DNAJC13: variants seen among roughly 807,000 people sequenced by gnomAD.
DNAJC13 encodes DnaJ heat shock protein family (Hsp40) member C13.
In DNAJC13, 75 loss-of-function variants were observed where a neutral mutation model predicts 290.5. The ratio of observed to expected loss-of-function variants is 0.26; its 90% confidence interval spans 0.21 to 0.31. The LOEUF (loss-of-function observed/expected upper bound fraction) is 0.31, where lower values mean the gene tolerates loss of function less well. Among genes scored for constraint, DNAJC13 ranks in the 10% least tolerant of loss-of-function variants. The probability of loss-of-function intolerance (pLI) is 1.00; values close to 1 mark genes in which losing one functional copy is unlikely to be tolerated. For missense variants in DNAJC13, 2,260 were observed against 2,674.5 expected (o/e 0.85, Z 3.42); for synonymous variants, 862 against 892.0 (o/e 0.97, Z 0.60).
At position 132,453,342 on chromosome 3, in the gene DNAJC13, A is replaced by C. The variant is rs919983513; in HGVS notation, c.582A>C (p.Ala194=). ...AAAGAGAAGAGATTATTAAAAGTGC[A>C]ATAGACCATGCTGGTAACTACATAG... ...SEQREEIIKS[A]IDHAGNYIGI... Residue 194 remains alanine, a synonymous_variant, in exon 7 of 56, where the codon GCA becomes GCC. Coordinates refer to ENST00000260818, the MANE Select transcript of DNAJC13 (RefSeq NM_015268.4). The C allele has an allele frequency of 9.9e-6, 16 of 1,613,792 alleles. No individual in the cohort carries two copies. Among genetic ancestry groups the C allele is most frequent in the Non-Finnish European group, 1.4e-5 (16 of 1,179,916 alleles).
At chr3:132,512,488 G>A (rs189559681) in intron 44 of DNAJC13, among the ~76,000 whole-genome samples, 1 of 152,258 alleles carries the variant, frequency 6.6e-6, no homozygotes, top group East Asian at 1.9e-4. Flanking sequence ...AAATATATGG[G>A]ATTAGGATTT....
At chr3:132,418,693 G>A (rs1422343152) in intron 1 of DNAJC13, among the ~76,000 whole-genome samples, 1 of 152,186 alleles carries the variant, frequency 6.6e-6, no homozygotes, top group Non-Finnish European at 1.5e-5. Context: ...ATAGTGTACA[G>A]TTATGTTGAG....
rs534541531 is a variant in DNAJC13 at position 132,471,984 on chromosome 3, C to G, written c.2209-1161C>G. Reference sequence around the variant, plus strand: ...GAGCACTGAGTGAACGAGACTCCGTCTGCAATCCCGGCACCTCGGGAGGCT... The same window carrying G: ...GAGCACTGAGTGAACGAGACTCCGTGTGCAATCCCGGCACCTCGGGAGGCT... On this transcript the variant is annotated intron_variant, in intron 20 of 55. Transcript: ENST00000260818. Among the ~76,000 whole-genome samples, 396 of 148,702 alleles carry G rather than the reference C, an allele frequency of 2.7e-3. 8 individuals are homozygous for G. Among genetic ancestry groups the G allele is most frequent in the Non-Finnish European group, 8.8e-4 (59 of 66,978 alleles).
At chr3:132,532,612 G>C (rs1162511907) in intron 55 of DNAJC13, among the ~76,000 whole-genome samples, 1 of 151,832 alleles carries the variant, frequency 6.6e-6, no homozygotes, top group Non-Finnish European at 1.5e-5. Flanking sequence ...TGTTCTTATA[G>C]GCAGTATAAA....
intron 39 of DNAJC13, among the ~76,000 whole-genome samples, chr3:132,501,386 G>A (rs975620484): frequency 1.1e-4 from 17 of 152,068 alleles, no homozygotes; most frequent in African/African-American, 4.1e-4. Flanking sequence ...TGTAATCCTA[G>A]GTATTCGGGA....
chr3:132,498,470 C>A (rs1935304010), intron 36 of DNAJC13, among the ~76,000 whole-genome samples: 1 of 152,068 alleles, frequency 6.6e-6, no homozygotes, highest in African/African-American at 2.4e-5. Context: ...TGAAAAGTTA[C>A]AAAGATCAGC....
At position 132,447,935 on chromosome 3, in the gene DNAJC13, G is replaced by A. The variant is rs1353236048; in HGVS notation, c.332G>A (p.Gly111Glu). 5 of 1,556,008 alleles carry A rather than the reference G, an allele frequency of 3.2e-6. No individual in the cohort carries two copies. In the South Asian group the frequency reaches 3.4e-5, roughly 11 times the overall value. Residue 111 changes from glycine to glutamate, a missense_variant, in exon 5 of 56, where the codon GGA becomes GAA. This residue lies in a region of DNAJC13 where 762 missense variants were observed against 964.1 expected (regional missense o/e 0.79). Transcript: ENST00000260818. ...GATTTTTCAGAGGGAAAAATCACAG[G>A]AAGGGTAAATATTTAACATTTATTA... Reference protein sequence around the residue: ...RTDFSEGKITGRRYNCYKHHW... With the variant: ...RTDFSEGKITERRYNCYKHHW...
intron 3 of DNAJC13, 107 bp downstream of exon 3, chr3:132,446,657 G>A: frequency 1.5e-6 from 1 of 678,074 alleles, no homozygotes; most frequent in Non-Finnish European, 2.5e-6. Context: ...AGATAGAAAT[G>A]TCAAATCAGA....
At chr3:132,487,446 C>CG (rs1934914577) in intron 29 of DNAJC13, among the ~76,000 whole-genome samples, 1 of 151,040 alleles carries the variant, frequency 6.6e-6, no homozygotes, top group South Asian at 2.1e-4. Flanking sequence ...TTAGTAGAGA[C>CG]GGGGTTTCAC....
rs377285997 is a variant in DNAJC13 at position 132,464,940 on chromosome 3, A to G, written c.1893-1055A>G. Among the ~76,000 whole-genome samples the G allele has an allele frequency of 3.2e-4, 49 of 152,322 alleles. No individual in the cohort carries two copies. In the South Asian group the frequency reaches 7.2e-3, roughly 23 times the overall value. The stretch of plus-strand genomic sequence containing the variant: ...GAATTACACTGTTAAAGATCTGTCA[A>G]TGTATAATAGAAATATCACTCTATT... On this transcript the variant is annotated intron_variant, in intron 17 of 55. Transcript: ENST00000260818.
chr3:132,537,710 TTGTTA>T (rs1416477314), intron 55 of DNAJC13, among the ~76,000 whole-genome samples: 1 of 152,238 alleles, frequency 6.6e-6, no homozygotes, highest in African/African-American at 2.4e-5. Context: ...TTGGTGTTAC[TTGTTA>T]TAATAGCATT....
chr3:132,439,712 A>G (rs7626685), intron 2 of DNAJC13, among the ~76,000 whole-genome samples: 5,429 of 152,240 alleles, frequency 0.036, 257 homozygotes, highest in African/African-American at 0.11. Flanking sequence ...TTAAAATATT[A>G]CATTTCATGG....
chr3:132,510,993 A>G, intron 43 of DNAJC13, 74 bp from the exon 44 acceptor site: 1 of 1,513,306 alleles, frequency 6.6e-7, no homozygotes, highest in Non-Finnish European at 9.0e-7. Flanking sequence ...TTCATAGCTT[A>G]AAGTTCTTTC....
At chr3:132,499,968 A>C (rs1935359821) in intron 38 of DNAJC13, among the ~76,000 whole-genome samples, 160 bp downstream of exon 38, 1 of 152,200 alleles carries the variant, frequency 6.6e-6, no homozygotes, top group South Asian at 2.1e-4. Flanking sequence ...GTGGCCTGAG[A>C]GTATGTTTTT....
At chr3:132,527,167 A>G (rs1350291091) in intron 53 of DNAJC13, among the ~76,000 whole-genome samples, 3 of 152,242 alleles carry the variant, frequency 2.0e-5, no homozygotes, top group Non-Finnish European at 4.4e-5. Context: ...CATTGTATGC[A>G]TGTGTCATAA....
rs139547941 is a variant in DNAJC13 at position 132,483,531 on chromosome 3, C to G, written c.3136C>G (p.Leu1046Val). 86 of 1,614,094 alleles carry G rather than the reference C, an allele frequency of 5.3e-5. 1 individual carries two copies. In the Middle Eastern group the frequency reaches 8.2e-4, roughly 15 times the overall value. ...AVLNETDLAT[L>V]ILNMLITMCG... ...CCTGAATGAAACTGACCTTGCTACC[C>G]TTATATTGAACATGTTGATCACAAT... Residue 1046 changes from leucine to valine, a missense_variant, in exon 28 of 56, where the codon CTT becomes GTT. Around this residue, in one of 3 missense-constraint regions of DNAJC13, gnomAD observed 1,494 missense variants for 1,693.7 expected, o/e 0.88. Transcript: ENST00000260818.
intron 3 of DNAJC13, among the ~76,000 whole-genome samples, 186 bp downstream of exon 3, chr3:132,446,736 G>A (rs114412657): frequency 0.027 from 2,131 of 78,346 alleles, 23 homozygotes; most frequent in Middle Eastern, 0.069. Context: ...AAACAGGAGG[G>A]GGAGAATATG....
chr3:132,481,338 A>T (rs1934666510), intron 26 of DNAJC13, among the ~76,000 whole-genome samples: 2 of 152,334 alleles, frequency 1.3e-5, no homozygotes, highest in South Asian at 4.1e-4. Context: ...TGGTAATCCC[A>T]GCACTTTGGG....
At chr3:132,451,586 G>A (rs1352445154) in intron 6 of DNAJC13, among the ~76,000 whole-genome samples, 1 of 151,978 alleles carries the variant, frequency 6.6e-6, no homozygotes, top group Non-Finnish European at 1.5e-5. Flanking sequence ...TCAAAGATGT[G>A]CGGTAGAGAA....
Sources: allele counts gnomAD v4.1 joint callset (sites outside exome capture counted in the v4.1 genomes callset), GRCh38; gene constraint gnomAD v4.1.1; regional missense constraint gnomAD v4.1.1; transcripts MANE v1.5; gene names NCBI Gene and HGNC (gene_info 2026-07-23, HGNC 2026-07-21).